Variants in RALYL observed in about 807,000 individuals in gnomAD.
RALYL encodes RALY RNA binding protein like.
Under a neutral mutation model 35.1 loss-of-function variants are expected in RALYL, and 29 were observed. The ratio of observed to expected loss-of-function variants is 0.83; its 90% CI spans 0.61 to 1.13. RALYL has a LOEUF of 1.13. Ranked by LOEUF, RALYL falls within the 50% of genes most tolerant of loss-of-function variation. The probability of loss-of-function intolerance (pLI) is 0.00; values close to 1 mark genes in which losing one functional copy is unlikely to be tolerated. For missense variants in RALYL, 359 were observed against 360.4 expected, an observed-to-expected ratio of 1.00 and a Z score of 0.03; for synonymous variants, 120 against 127.6, an observed-to-expected ratio of 0.94 and a Z score of 0.40.
At chr8:84,639,357 A>G (rs191772721) in intron 2 of RALYL, among the ~76,000 whole-genome samples, 8 of 151,972 alleles carry the variant, frequency 5.3e-5, no homozygotes, top group African/African-American at 1.9e-4. Flanking sequence ...GCATGGTCTT[A>G]GGTCCTGTTT....
At chr8:84,239,456 T>A (rs1827360394) in intron 1 of RALYL, among the ~76,000 whole-genome samples, 1 of 152,224 alleles carries the variant, frequency 6.6e-6, no homozygotes, top group African/African-American at 2.4e-5. Flanking sequence ...TGCCTAGCCG[T>A]TACATGTCTC....
At chr8:84,555,234 A>C (rs755719380) in intron 2 of RALYL, among the ~76,000 whole-genome samples, 46 of 152,094 alleles carry the variant, frequency 3.0e-4, no homozygotes, top group Non-Finnish European at 6.2e-4. Context: ...AGCCGAGATC[A>C]TGCCACTGCA....
chr8:84,548,572 A>G (rs1368802397), intron 2 of RALYL, among the ~76,000 whole-genome samples: 2 of 152,198 alleles, frequency 1.3e-5, no homozygotes, highest in Non-Finnish European at 2.9e-5. Context: ...TGGAGACTTG[A>G]ATGTGATCTA....
chr8:84,606,012 G>A (rs1004611005), intron 2 of RALYL, among the ~76,000 whole-genome samples: 2 of 151,586 alleles, frequency 1.3e-5, no homozygotes, highest in Non-Finnish European at 2.9e-5. Flanking sequence ...TCCATTCTGC[G>A]AGCCCCTGGG....
At chr8:84,679,066 G>T in intron 2 of RALYL, 2 of 296,488 alleles carry the variant, frequency 6.7e-6, no homozygotes, top group South Asian at 7.0e-5. Context: ...GCTCCAGGGT[G>T]AACAATGTTT....
intron 1 of RALYL, among the ~76,000 whole-genome samples, chr8:84,391,628 T>C (rs1249719649): frequency 6.6e-6 from 1 of 152,054 alleles, no homozygotes; most frequent in Non-Finnish European, 1.5e-5. Context: ...TTTATTTAGA[T>C]ACAGCATAAA....
chr8:84,746,909 T>C (rs1469054308), intron 2 of RALYL, among the ~76,000 whole-genome samples: 1 of 151,934 alleles, frequency 6.6e-6, no homozygotes, highest in South Asian at 2.1e-4. Flanking sequence ...ATATTCAATT[T>C]ATTAAAGTTA....
At chr8:84,392,230 T>C (rs1860858005) in intron 1 of RALYL, among the ~76,000 whole-genome samples, 1 of 152,018 alleles carries the variant, frequency 6.6e-6, no homozygotes, top group Non-Finnish European at 1.5e-5. Flanking sequence ...TTCTTATTTT[T>C]CTCTTACTGC....
At chr8:84,615,340 A>G (rs1384721367) in intron 2 of RALYL, among the ~76,000 whole-genome samples, 1 of 61,640 alleles carries the variant, frequency 1.6e-5, no homozygotes, top group Non-Finnish European at 2.7e-5. Flanking sequence ...AAATACATTG[A>G]AAAAAAAAAA....
At chr8:84,620,389 C>T (rs1323157018) in intron 2 of RALYL, among the ~76,000 whole-genome samples, 2 of 152,062 alleles carry the variant, frequency 1.3e-5, no homozygotes, top group African/African-American at 2.4e-5. Context: ...ATCGCATCGG[C>T]TCCTGAGGCT....
chr8:84,752,153 G>A (rs1810208542), intron 2 of RALYL, among the ~76,000 whole-genome samples: 1 of 152,176 alleles, frequency 6.6e-6, no homozygotes, highest in African/African-American at 2.4e-5. Context: ...GGAGCTTATT[G>A]GGAAGTGGAG....
intron 1 of RALYL, among the ~76,000 whole-genome samples, chr8:84,342,912 A>G (rs1849124502): frequency 6.6e-6 from 1 of 152,066 alleles, no homozygotes; most frequent in East Asian, 1.9e-4. Flanking sequence ...ACTTGAATCA[A>G]AAGTCATAAT....
At chr8:84,712,040 G>T (rs1315661543) in intron 2 of RALYL, among the ~76,000 whole-genome samples, 1 of 152,056 alleles carries the variant, frequency 6.6e-6, no homozygotes, top group East Asian at 1.9e-4. Flanking sequence ...TTTTAGGCTT[G>T]ATTGGTAAAG....
chr8:84,831,403 G>A (rs543823189), intron 4 of RALYL, among the ~76,000 whole-genome samples: 1 of 151,544 alleles, frequency 6.6e-6, no homozygotes, highest in South Asian at 2.1e-4. Context: ...TGAAGATGCC[G>A]GAAAGACATC....
intron 1 of RALYL, among the ~76,000 whole-genome samples, chr8:84,429,139 G>A (rs1258373039): frequency 6.6e-6 from 1 of 152,096 alleles, no homozygotes; most frequent in Admixed American, 6.6e-5. Flanking sequence ...GCACGAAAAA[G>A]CATATTCTAT....
chr8:84,482,866 G>A (rs750999724), intron 1 of RALYL, among the ~76,000 whole-genome samples: 1 of 151,972 alleles, frequency 6.6e-6, no homozygotes, highest in East Asian at 1.9e-4. Flanking sequence ...CACTCTTGTA[G>A]GTCACTGATT....
At chr8:84,426,229 G>C (rs2046414860) in intron 1 of RALYL, among the ~76,000 whole-genome samples, 1 of 151,962 alleles carries the variant, frequency 6.6e-6, no homozygotes, top group South Asian at 2.1e-4. Flanking sequence ...GTTTTAGTTT[G>C]TTTTTGTGGC....
At chr8:84,613,477 T>G (rs140915937) in intron 2 of RALYL, among the ~76,000 whole-genome samples, 13 of 151,556 alleles carry the variant, frequency 8.6e-5, no homozygotes, top group African/African-American at 2.4e-4. Flanking sequence ...CTGACACAGG[T>G]ACCTCGCATG....
chr8:84,668,465 G>A (rs1166177171), intron 2 of RALYL, among the ~76,000 whole-genome samples: 1 of 152,110 alleles, frequency 6.6e-6, no homozygotes, highest in Non-Finnish European at 1.5e-5. Flanking sequence ...CAAAGACACA[G>A]TGATTTAAAA....
Sources: allele counts gnomAD v4.1 joint callset (sites outside exome capture counted in the v4.1 genomes callset), GRCh38; gene constraint gnomAD v4.1.1; transcripts MANE v1.5; gene names NCBI Gene and HGNC (gene_info 2026-07-23, HGNC 2026-07-21).